MPDZ: variants seen among roughly 807,000 people sequenced by gnomAD.
The protein encoded by MPDZ is multiple PDZ domain crumbs cell polarity complex component, also known as multiple PDZ domain protein.
Under a neutral mutation model 239.1 loss-of-function variants are expected in MPDZ, and 234 were observed. That is an observed-to-expected ratio of 0.98 (90% confidence interval 0.88 to 1.09). The LOEUF (loss-of-function observed/expected upper bound fraction) is 1.09. MPDZ is among the 50% of genes least tolerant of loss of function. The pLI is 0.00. For synonymous variants in MPDZ, 1,048 were observed against 881.3 expected (o/e 1.19, Z -3.35); for missense variants, 3,175 against 2,510.0 (o/e 1.26, Z -5.66).
intron 21 of MPDZ, among the ~76,000 whole-genome samples, chr9:13,169,406 C>G (rs1219646965): frequency 6.6e-6 from 1 of 152,090 alleles, no homozygotes; most frequent in Non-Finnish European, 1.5e-5. Flanking sequence ...AGTAGAAATA[C>G]CGGGGTCTTT....
At chr9:13,269,165 C>A (rs2131895) in intron 1 of MPDZ, among the ~76,000 whole-genome samples, 1 of 152,108 alleles carries the variant, frequency 6.6e-6, no homozygotes, top group African/African-American at 2.4e-5. Context: ...ATGAGTGAGA[C>A]AAACAGAGGT....
chr9:13,160,830 TTATATATATATATATATATATATA>T (rs58374268), intron 23 of MPDZ, among the ~76,000 whole-genome samples: 22 of 37,990 alleles, frequency 5.8e-4, no homozygotes, highest in Middle Eastern at 0.029. Context: ...ATTATTAAAA[TTATATATATATATATATATATATA>T]TATATATATA....
chr9:13,193,294 A>C lies in MPDZ; in HGVS notation c.1676T>G (p.Phe559Cys). The change falls in exon 14 of 47, where the codon TTT becomes TGT. Residue 559 changes from phenylalanine (F) to cysteine (C), a missense_variant. Phe to Cys is a radical substitution (Grantham distance 205). Coordinates refer to ENST00000319217, the MANE Select transcript of MPDZ (RefSeq NM_001378778.1). ...YEIVVAHVSK[F>C]SENSGLGISL... ...TATCCCCAATCCACTGTTCTCACTA[A>C]ACTTGCTCACATGGGCCACCTGAAA... The C allele has an allele frequency of 6.2e-7, 1 of 1,605,020 alleles. No homozygotes were observed. Among genetic ancestry groups the C allele is most frequent in the East Asian group, 2.2e-5 (1 of 44,794 alleles).
chr9:13,150,584 A>C lies in MPDZ; in HGVS notation c.3557T>G (p.Phe1186Cys). The part of the protein sequence containing the change: ...LSNGEVMRGI[F>C]IKHVLEDSPA... ...ACTATCTTCCAGAACATGTTTGATGAAAATGCCCCTCATCACTTCTCCATT... is the reference window on the plus strand; with the variant it reads ...ACTATCTTCCAGAACATGTTTGATGCAAATGCCCCTCATCACTTCTCCATT... Residue 1186 changes from phenylalanine to cysteine, a missense_variant, in exon 25 of 47, where the codon TTC (phenylalanine) becomes TGC (cysteine). Physicochemically the swap from Phe to Cys is radical, Grantham distance 205. Transcript: ENST00000319217. 1 of 1,562,844 alleles carries C rather than the reference A, an allele frequency of 6.4e-7. No individual in the cohort carries two copies. Among genetic ancestry groups the C allele is most frequent in the Non-Finnish European group, 8.7e-7 (1 of 1,152,746 alleles).
chr9:13,190,221 T>A lies in MPDZ; in HGVS notation c.2047A>T (p.Ser683Cys), dbSNP rs759487561. 73 of 1,612,852 alleles carry A rather than the reference T, an allele frequency of 4.5e-5. No homozygotes were observed. Among genetic ancestry groups the A allele is most frequent in the Non-Finnish European group, 5.9e-5 (70 of 1,179,432 alleles). Residue 683 changes from serine to cysteine, a missense_variant, in exon 16 of 47, where the codon AGT becomes TGT. Ser to Cys is a moderately radical substitution (Grantham distance 112). Coordinates refer to ENST00000319217, the MANE Select transcript of MPDZ (RefSeq NM_001378778.1). Reference sequence around the variant, plus strand: ...AAAGGTGCTTGAACCTCTTCTGTACTCTGACCCGCATCAGTCATCGCCAGC... The same window carrying A: ...AAAGGTGCTTGAACCTCTTCTGTACACTGACCCGCATCAGTCATCGCCAGC... Reference protein sequence around the residue: ...PVLAMTDAGQSTEEVQAPLAM... With the variant: ...PVLAMTDAGQCTEEVQAPLAM...
At chr9:13,155,770 A>C (rs189500346) in intron 24 of MPDZ, among the ~76,000 whole-genome samples, 10 of 152,202 alleles carry the variant, frequency 6.6e-5, no homozygotes, top group Middle Eastern at 3.4e-3. Flanking sequence ...ACTAACTCCT[A>C]ATTTATTAAA....
chr9:13,191,679 G>C (rs1954949656), intron 15 of MPDZ, among the ~76,000 whole-genome samples: 1 of 152,062 alleles, frequency 6.6e-6, no homozygotes, highest in Admixed American at 6.6e-5. Flanking sequence ...AGGCAGAGTT[G>C]GGTAGGTTAT....
chr9:13,141,833 T>A (rs1165059395), intron 27 of MPDZ, among the ~76,000 whole-genome samples: 1 of 152,202 alleles, frequency 6.6e-6, no homozygotes. Context: ...GATTACAGAA[T>A]CTGCTATATT....
At chr9:13,120,318 G>A (rs1944148982) in intron 38 of MPDZ, 1 of 151,886 alleles carries the variant, frequency 6.6e-6, no homozygotes, top group Non-Finnish European at 1.5e-5. Context: ...AGTAAAAGCT[G>A]AACTGTATCA....
rs889350789 is a variant in MPDZ, at chr9:13,126,698, C to G, written c.4539G>C (p.Glu1513Asp). 6.2e-7 allele frequency: 1 copy of G among 1,613,778 alleles called. No individual in the cohort carries two copies. The highest frequency in any genetic ancestry group is 1.3e-5 in the African/African-American group (1 of 75,032). Reference sequence around the variant, plus strand: ...ACCTCACCGTGGCTGCTACCCCATGCTCTGTTAAGCTCTTTATGATGACTC... The same window carrying G: ...ACCTCACCGTGGCTGCTACCCCATGGTCTGTTAAGCTCTTTATGATGACTC... Reference protein sequence around the residue: ...LSGVIIKSLTEHGVAATDGRL... With the variant: ...LSGVIIKSLTDHGVAATDGRL... Residue 1513 changes from glutamate to aspartate, a missense_variant, in exon 33 of 47, where the codon GAG becomes GAC. Glu to Asp is a conservative substitution (Grantham distance 45, BLOSUM62 2). Transcript: ENST00000319217.
chr9:13,137,657 T>A lies in MPDZ; in HGVS notation c.4200+300A>T, dbSNP rs1028547838. The stretch of plus-strand genomic sequence containing the variant: ...ACTGGTCACTTGGCTTTTCAAAAAC[T>A]CCTAATAAAAATGCAGCACACAAAA... On this transcript the variant is annotated intron_variant, in intron 29 of 46. Transcript: ENST00000319217. Among the ~76,000 whole-genome samples, 6 of 152,184 alleles carry A rather than the reference T, an allele frequency of 3.9e-5. 1 individual carries two copies. In the Middle Eastern group the frequency reaches 0.01, roughly 259 times the overall value.
chr9:13,221,288 T>G, intron 7 of MPDZ, 84 bp downstream of exon 7: 1 of 1,401,282 alleles, frequency 7.1e-7, no homozygotes, highest in Non-Finnish European at 9.4e-7. Flanking sequence ...AAGGCCAAAG[T>G]TTCTTCTTTC....
Position 13,192,115 on chromosome 9 carries a change from T to C in MPDZ, c.1968+16A>G, listed in dbSNP as rs369937350. 44 of 1,567,838 alleles carry C rather than the reference T, an allele frequency of 2.8e-5. No homozygotes were observed. The African/African-American group carries it at 5.3e-4, about 19-fold the overall frequency. On this transcript the variant is annotated intron_variant, in intron 15 of 46. Coordinates refer to ENST00000319217, the MANE Select transcript of MPDZ (RefSeq NM_001378778.1). ...ATTATATATGTAGGTTAGCCTCATG[T>C]ATGCAAATCTGATACCTTTTCTGTT...
At chr9:13,163,880 G>C (rs140089568) in intron 22 of MPDZ, among the ~76,000 whole-genome samples, 1 of 152,048 alleles carries the variant, frequency 6.6e-6, no homozygotes. Context: ...CAAATATATT[G>C]GTTATTCTAT....
intron 45 of MPDZ, 140 bp downstream of exon 45, chr9:13,109,812 A>C (rs907365247): frequency 2.4e-5 from 16 of 670,994 alleles, no homozygotes; most frequent in Non-Finnish European, 4.1e-5. Flanking sequence ...GAAGCACCTG[A>C]TATGTATAAT....
Position 13,193,147 on chromosome 9 carries a change from G to T in MPDZ, c.1803+20C>A. On this transcript the variant is annotated intron_variant, in intron 14 of 46. Coordinates refer to ENST00000319217, the MANE Select transcript of MPDZ (RefSeq NM_001378778.1). Reference sequence around the variant, plus strand: ...TCCATGTCTTATTTAAGGAGGAGAAGGAACAGCATAGCTCCTTACTTCCAA... The same window carrying T: ...TCCATGTCTTATTTAAGGAGGAGAATGAACAGCATAGCTCCTTACTTCCAA... 1 of 1,474,464 alleles carries T rather than the reference G, an allele frequency of 6.8e-7. No homozygotes were observed. 91.3% of individuals were successfully genotyped at this position (1,474,464 alleles called of 1,614,324 possible). A position where few individuals can be genotyped will look rare whatever the true frequency, so the allele number is the denominator to read the frequency against.
At chr9:13,183,637 G>A in intron 18 of MPDZ, 52 bp from the exon 19 acceptor site, 1 of 1,564,974 alleles carries the variant, frequency 6.4e-7, no homozygotes, top group Non-Finnish European at 8.7e-7. Flanking sequence ...TTACATATAT[G>A]ACAAACAATC....
At chr9:13,140,173 T>C (rs766558522) in intron 27 of MPDZ, 24 bp from the exon 28 acceptor site, 1 of 1,611,406 alleles carries the variant, frequency 6.2e-7, no homozygotes, top group South Asian at 1.1e-5. Flanking sequence ...AAGAATGCAG[T>C]GGGTTTGTAC....
chr9:13,119,984 G>C, intron 38 of MPDZ: 1 of 252,408 alleles, frequency 4.0e-6, no homozygotes, highest in Non-Finnish European at 7.7e-6. Context: ...TCAGTCCTTG[G>C]ATGCAAAATC....
Sources: gnomAD v4.1 joint callset for allele counts (sites outside exome capture counted in the v4.1 genomes callset) on GRCh38, gnomAD v4.1.1 for gene constraint, MANE v1.5 for transcripts, NCBI Gene and HGNC (gene_info 2026-07-23, HGNC 2026-07-21) for gene names.